The following CRYBG1 variants were observed in gnomAD, a reference collection of about 807,000 sequenced individuals.
CRYBG1 encodes crystallin beta-gamma domain containing 1.
A neutral mutation model predicts 189.2 loss-of-function variants in CRYBG1; 139 were observed. The observed-to-expected ratio is 0.73, with a 90% CI of 0.64 to 0.85. The LOEUF (loss-of-function observed/expected upper bound fraction) is 0.85. Ranked by LOEUF, CRYBG1 falls within the 40% of genes least tolerant of loss-of-function variation. The pLI is 0.00. For synonymous variants in CRYBG1, 1,023 were observed against 1,017.1 expected, an observed-to-expected ratio of 1.01 and a Z score of -0.11; for missense variants, 2,611 against 2,675.8, an observed-to-expected ratio of 0.98 and a Z score of 0.53.
intron 2 of CRYBG1, among the ~76,000 whole-genome samples, chr6:106,462,124 TC>T (rs1340058821): frequency 4.0e-5 from 6 of 151,814 alleles, no homozygotes; most frequent in African/African-American, 1.2e-4. Context: ...ATTTAGCTAT[TC>T]TTTTTTTTCT....
At chr6:106,412,137 G>A (rs1020350751) in intron 1 of CRYBG1, among the ~76,000 whole-genome samples, 3 of 152,332 alleles carry the variant, frequency 2.0e-5, no homozygotes, top group East Asian at 1.9e-4. Context: ...CCATCACATC[G>A]TTATTCACAG....
intron 1 of CRYBG1, among the ~76,000 whole-genome samples, chr6:106,416,390 A>G (rs1771021315): frequency 6.6e-6 from 1 of 152,194 alleles, no homozygotes; most frequent in Non-Finnish European, 1.5e-5. Context: ...TGTTCCCCCT[A>G]TCGGAGACGG....
chr6:106,446,480 G>A (rs1771666359), intron 1 of CRYBG1, among the ~76,000 whole-genome samples: 1 of 152,186 alleles, frequency 6.6e-6, no homozygotes, highest in African/African-American at 2.4e-5. Flanking sequence ...ATAGATGGCA[G>A]TACAGCATCA....
At chr6:106,510,969 GTCC>G (rs970868755) in intron 2 of CRYBG1, among the ~76,000 whole-genome samples, 1 of 151,918 alleles carries the variant, frequency 6.6e-6, no homozygotes, top group Non-Finnish European at 1.5e-5. Flanking sequence ...TTTTTTCTTC[GTCC>G]TCCTTCCCTC....
intron 1 of CRYBG1, among the ~76,000 whole-genome samples, chr6:106,376,636 G>C (rs899012802): frequency 1.3e-5 from 2 of 152,132 alleles, no homozygotes; most frequent in Non-Finnish European, 2.9e-5. Flanking sequence ...TTGCCTTTAT[G>C]CTTAGGGGGT....
Position 106,455,937 on chromosome 6 carries a change from A to G in CRYBG1, c.312+4105A>G, listed in dbSNP as rs118184107. 7.5e-3 allele frequency among the ~76,000 whole-genome samples: 1,142 copies of G among 152,248 alleles called. 12 individuals carry two copies. The highest frequency in any genetic ancestry group is 0.017 in the East Asian group (89 of 5,182). On this transcript the variant is annotated intron_variant, in intron 2 of 21. Coordinates refer to ENST00000633556, the MANE Select transcript of CRYBG1 (RefSeq NM_001371242.2). ...CTCAAAACAAAAGTAACTCTAATCT[A>G]TAGACTATTGCTAAATCACTGCTGC...
In CRYBG1 at chr6:106,512,733, A is replaced by G; in HGVS notation, c.1616A>G (p.Glu539Gly). Residue 539 changes from glutamate to glycine, a missense_variant, in exon 3 of 22, where the codon GAG becomes GGG. Around this residue, in one of 3 missense-constraint regions of CRYBG1, gnomAD observed 985 missense variants for 924.4 expected, o/e 1.07. Coordinates refer to ENST00000633556, the MANE Select transcript of CRYBG1 (RefSeq NM_001371242.2). The stretch of plus-strand genomic sequence containing the variant: ...AGCGGCCCCCGGGCTCCCGCCAAGG[A>G]GTCCCCACCCAAGAGGGTGCCCGAT... ...PASGPRAPAK[E>G]SPPKRVPDPS... 1 of 1,565,390 alleles carries G rather than the reference A, an allele frequency of 6.4e-7. No individual in the cohort carries two copies. The highest frequency in any genetic ancestry group is 2.3e-5 in the East Asian group (1 of 42,702).
chr6:106,552,134 A>G (rs1441367033), intron 14 of CRYBG1, 50 bp from the exon 15 acceptor site: 2 of 1,521,412 alleles, frequency 1.3e-6, no homozygotes, highest in South Asian at 1.2e-5. Flanking sequence ...AACTTTTTCA[A>G]TGTGTTTGTT....
chr6:106,411,174 A>T (rs1195473773), intron 1 of CRYBG1, among the ~76,000 whole-genome samples: 1 of 152,214 alleles, frequency 6.6e-6, no homozygotes, highest in Non-Finnish European at 1.5e-5. Context: ...ATGCTGAAGT[A>T]AGGTAATAAA....
intron 18 of CRYBG1, 133 bp from the exon 19 acceptor site, chr6:106,560,670 G>A: frequency 8.9e-7 from 1 of 1,123,124 alleles, no homozygotes; most frequent in Non-Finnish European, 1.2e-6. Flanking sequence ...TTCTAGAAAA[G>A]ATCATTTTTC....
At chr6:106,563,654 G>A in intron 20 of CRYBG1, 110 bp from the exon 21 acceptor site, 1 of 1,145,022 alleles carries the variant, frequency 8.7e-7, no homozygotes, top group Non-Finnish European at 1.2e-6. Context: ...TGGGGTAAAT[G>A]AAGCTAGGAA....
intron 8 of CRYBG1, among the ~76,000 whole-genome samples, chr6:106,534,107 A>G (rs1376866704): frequency 6.6e-6 from 1 of 152,148 alleles, no homozygotes; most frequent in Non-Finnish European, 1.5e-5. Context: ...GAGAAACACC[A>G]CTTTCCTTAG....
chr6:106,406,151 TA>T (rs1461551135), intron 1 of CRYBG1, among the ~76,000 whole-genome samples: 3 of 152,168 alleles, frequency 2.0e-5, no homozygotes, highest in African/African-American at 7.2e-5. Context: ...GAGGAATTGT[TA>T]ACTAGAATAA....
chr6:106,500,638 C>T (rs1290131541), intron 2 of CRYBG1, among the ~76,000 whole-genome samples: 11 of 152,066 alleles, frequency 7.2e-5, no homozygotes, highest in Non-Finnish European at 7.4e-5. Context: ...TTTTGTTTCC[C>T]TTCCTGTGCA....
chr6:106,370,729 T>C (rs772085599), intron 1 of CRYBG1, among the ~76,000 whole-genome samples: 1 of 151,960 alleles, frequency 6.6e-6, no homozygotes, highest in Non-Finnish European at 1.5e-5. Flanking sequence ...ATTTTCTGAT[T>C]TTTTCTTAGC....
At chr6:106,363,001 T>A (rs1771908760) in intron 1 of CRYBG1, among the ~76,000 whole-genome samples, 1 of 151,858 alleles carries the variant, frequency 6.6e-6, no homozygotes, top group African/African-American at 2.4e-5. Context: ...ATCCCAGCAC[T>A]TTGGGAGGCC....
intron 1 of CRYBG1, among the ~76,000 whole-genome samples, chr6:106,416,999 C>CTTTTTTTTTTTTTTTTTTTTTTTTT (rs71663353): frequency 1.4e-5 from 1 of 69,504 alleles, no homozygotes. Context: ...ATGGGATTTA[C>CTTTTTTTTTTTTTTTTTTTTTTTTT]TTTTTTTTTT....
chr6:106,546,145 T>C (rs1329633634), intron 13 of CRYBG1, among the ~76,000 whole-genome samples: 2 of 152,048 alleles, frequency 1.3e-5, no homozygotes, highest in Non-Finnish European at 2.9e-5. Context: ...AGATGTAGGG[T>C]CTATCCCATA....
chr6:106,464,035 G>A (rs1186044889), intron 2 of CRYBG1, among the ~76,000 whole-genome samples: 1 of 152,228 alleles, frequency 6.6e-6, no homozygotes, highest in Non-Finnish European at 1.5e-5. Context: ...ATGGACAACT[G>A]TAATTTAAAT....
Sources: gnomAD v4.1 joint callset for allele counts (sites outside exome capture counted in the v4.1 genomes callset) on GRCh38, gnomAD v4.1.1 for gene constraint, gnomAD v4.1.1 regional missense constraint, MANE v1.5 for transcripts, NCBI Gene and HGNC (gene_info 2026-07-23, HGNC 2026-07-21) for gene names.